The following EYA2 variants were observed in gnomAD, a reference collection of about 807,000 sequenced individuals.
The protein encoded by EYA2 is protein phosphatase EYA2.
In EYA2, 31 loss-of-function variants were observed where a neutral mutation model predicts 69.2. The ratio of observed to expected loss-of-function variants is 0.45; its 90% CI spans 0.34 to 0.60. The LOEUF is 0.60. Ranked by LOEUF, EYA2 falls within the 20% of genes least tolerant of loss-of-function variation. The pLI is 0.02. For missense variants in EYA2, 622 were observed against 701.2 expected (o/e 0.89, Z 1.28); for synonymous variants, 257 against 279.4 (o/e 0.92, Z 0.80).
chr20:47,121,620 C>G (rs1239790641), intron 9 of EYA2, among the ~76,000 whole-genome samples: 2 of 152,212 alleles, frequency 1.3e-5, no homozygotes, highest in Non-Finnish European at 2.9e-5. Context: ...GAGTTTGAGA[C>G]CACCCTGGAC....
At chr20:46,895,819 C>A (rs145433496) in intron 1 of EYA2, among the ~76,000 whole-genome samples, 17 of 152,322 alleles carry the variant, frequency 1.1e-4, no homozygotes, top group African/African-American at 4.1e-4. Context: ...GGTGAACGTA[C>A]TCCTATCGCA....
At chr20:46,916,348 G>T (rs1002281808) in intron 1 of EYA2, among the ~76,000 whole-genome samples, 1 of 152,166 alleles carries the variant, frequency 6.6e-6, no homozygotes, top group African/African-American at 2.4e-5. Flanking sequence ...AATGTATTGT[G>T]CAGTGTGTGT....
intron 2 of EYA2, among the ~76,000 whole-genome samples, chr20:46,994,731 C>T (rs1284452907): frequency 3.3e-5 from 5 of 151,852 alleles, no homozygotes; most frequent in Non-Finnish European, 7.4e-5. Flanking sequence ...ACAACCTCTA[C>T]CTGTGCAGAA....
At chr20:47,048,667 G>T (rs1422750360) in intron 5 of EYA2, among the ~76,000 whole-genome samples, 1 of 152,222 alleles carries the variant, frequency 6.6e-6, no homozygotes, top group South Asian at 2.1e-4. Flanking sequence ...AACCTGGGAG[G>T]CAGAGGTTGC....
intron 1 of EYA2, among the ~76,000 whole-genome samples, chr20:46,898,394 A>AACACAC (rs3085766): frequency 8.2e-5 from 12 of 146,564 alleles, no homozygotes; most frequent in South Asian, 2.2e-4. Context: ...GTTGACAGAA[A>AACACAC]ACACACACAC....
chr20:46,921,847 C>T (rs377547670), intron 1 of EYA2, among the ~76,000 whole-genome samples: 1 of 152,188 alleles, frequency 6.6e-6, no homozygotes, highest in Non-Finnish European at 1.5e-5. Flanking sequence ...TACATTATTT[C>T]TTTTTTACTT....
chr20:47,004,788 A>C (rs1982600994), intron 3 of EYA2, 154 bp from the exon 4 acceptor site: 1 of 993,550 alleles, frequency 1.0e-6, no homozygotes, highest in Non-Finnish European at 1.5e-6. Flanking sequence ...CTTCCCAGGC[A>C]GAGGAAAATA....
intron 4 of EYA2, among the ~76,000 whole-genome samples, chr20:47,009,696 A>G (rs537877640): frequency 1.3e-5 from 2 of 152,362 alleles, no homozygotes; most frequent in East Asian, 3.9e-4. Context: ...CACAGTCTCT[A>G]TCTCAATCAC....
intron 1 of EYA2, among the ~76,000 whole-genome samples, chr20:46,969,265 T>C (rs1419004775): frequency 6.6e-6 from 1 of 152,136 alleles, no homozygotes; most frequent in Non-Finnish European, 1.5e-5. Flanking sequence ...TCACCCAGAC[T>C]GGAGTGCAGT....
At chr20:47,124,825 A>C (rs1600726067) in intron 9 of EYA2, among the ~76,000 whole-genome samples, 1 of 152,184 alleles carries the variant, frequency 6.6e-6, no homozygotes, top group East Asian at 1.9e-4. Context: ...CTAGAAAAAT[A>C]CTTTAAAAGC....
intron 7 of EYA2, among the ~76,000 whole-genome samples, chr20:47,078,329 G>GCACACACACACA (rs11472681): frequency 8.1e-4 from 94 of 116,158 alleles, no homozygotes; most frequent in East Asian, 2.3e-3. Flanking sequence ...GCGCGCGCGC[G>GCACACACACACA]CGCACACACA....
intron 10 of EYA2, among the ~76,000 whole-genome samples, chr20:47,154,391 T>C (rs1220104205): frequency 6.6e-6 from 1 of 151,994 alleles, no homozygotes. Flanking sequence ...AACATATGAA[T>C]TTTGGGAGGA....
At chr20:47,103,537 C>T (rs923453506) in intron 9 of EYA2, among the ~76,000 whole-genome samples, 1 of 152,182 alleles carries the variant, frequency 6.6e-6, no homozygotes, top group Non-Finnish European at 1.5e-5. Flanking sequence ...GGAGAGGCCT[C>T]AGGAAAGTTA....
chr20:47,119,210 G>A (rs1354428688), intron 9 of EYA2, among the ~76,000 whole-genome samples: 2 of 152,212 alleles, frequency 1.3e-5, no homozygotes, highest in Admixed American at 6.5e-5. Context: ...TGGTGATGAG[G>A]TGTCACCTGC....
chr20:47,038,850 C>A (rs774977839), intron 5 of EYA2, among the ~76,000 whole-genome samples: 1 of 152,068 alleles, frequency 6.6e-6, no homozygotes, highest in Non-Finnish European at 1.5e-5. Context: ...TAAGTGGAAT[C>A]GTACAGTATT....
intron 1 of EYA2, among the ~76,000 whole-genome samples, chr20:46,902,034 G>T (rs1489887300): frequency 1.3e-5 from 2 of 152,138 alleles, no homozygotes; most frequent in Admixed American, 6.6e-5. Context: ...TGTCTAAAAC[G>T]CTCAAAATGT....
intron 1 of EYA2, among the ~76,000 whole-genome samples, chr20:46,978,928 G>A (rs780327563): frequency 2.0e-5 from 3 of 152,240 alleles, no homozygotes; most frequent in Non-Finnish European, 2.9e-5. Flanking sequence ...ATTCACAGAT[G>A]TATTTTGAAT....
At chr20:46,902,891 G>A (rs1241999705) in intron 1 of EYA2, among the ~76,000 whole-genome samples, 1 of 152,168 alleles carries the variant, frequency 6.6e-6, no homozygotes, top group Non-Finnish European at 1.5e-5. Context: ...AGACTATCTG[G>A]CCCTTTACAG....
chr20:47,130,471 C>T (rs971940057), intron 9 of EYA2, among the ~76,000 whole-genome samples: 1 of 151,730 alleles, frequency 6.6e-6, no homozygotes, highest in South Asian at 2.1e-4. Flanking sequence ...TTCACCATGT[C>T]AGCCAGGATG....
Sources: gnomAD v4.1 joint callset for allele counts (sites outside exome capture counted in the v4.1 genomes callset) on GRCh38, gnomAD v4.1.1 for gene constraint, MANE v1.5 for transcripts, NCBI Gene and HGNC (gene_info 2026-07-23, HGNC 2026-07-21) for gene names.